Variants in RAD54B observed in about 807,000 individuals in gnomAD.
RAD54B encodes DNA repair and recombination protein RAD54B.
RAD54B carries 78 observed loss-of-function variants against 95.8 expected under a neutral mutation model. The observed-to-expected ratio is 0.81, with a 90% CI of 0.68 to 0.98. The LOEUF (loss-of-function observed/expected upper bound fraction) is 0.98. Ranked by LOEUF, RAD54B falls within the 50% of genes least tolerant of loss-of-function variation. The pLI, the probability that RAD54B is intolerant of heterozygous loss-of-function variation, is 0.00. For missense variants in RAD54B, 957 were observed against 1,056.6 expected, an observed-to-expected ratio of 0.91 and a Z score of 1.31; for synonymous variants, 328 against 354.9, an observed-to-expected ratio of 0.92 and a Z score of 0.85.
At chr8:94,378,056 G>GA in intron 14 of RAD54B, 124 bp downstream of exon 14, 2 of 629,204 alleles carry the variant, frequency 3.2e-6, no homozygotes, top group Non-Finnish European at 5.0e-6. Context: ...TATGAGCTGA[G>GA]AAAAAAATAA....
At chr8:94,464,816 T>C (rs987504827) in intron 2 of RAD54B, among the ~76,000 whole-genome samples, 8 of 152,138 alleles carry the variant, frequency 5.3e-5, no homozygotes, top group Admixed American at 2.6e-4. Context: ...TGCCAGCTTC[T>C]GTTTCTGATG....
intron 3 of RAD54B, among the ~76,000 whole-genome samples, chr8:94,438,850 C>T (rs781246996): frequency 2.0e-5 from 3 of 152,136 alleles, no homozygotes; most frequent in Non-Finnish European, 2.9e-5. Context: ...TGTAATCCAA[C>T]AGTTTTGAGA....
intron 3 of RAD54B, chr8:94,429,129 T>C: frequency 1.0e-6 from 1 of 984,230 alleles, no homozygotes; most frequent in Non-Finnish European, 1.2e-6. Flanking sequence ...TCAAAGAGTG[T>C]GATTCTGGTG....
intron 1 of RAD54B, among the ~76,000 whole-genome samples, chr8:94,471,286 TA>T (rs950586021): frequency 1.3e-5 from 2 of 151,830 alleles, no homozygotes; most frequent in African/African-American, 4.8e-5. Flanking sequence ...GGCAGTACTT[TA>T]AAAAAATGTT....
chr8:94,396,013 TG>T (rs1217905728), intron 8 of RAD54B, among the ~76,000 whole-genome samples: 1 of 150,612 alleles, frequency 6.6e-6, no homozygotes, highest in African/African-American at 2.4e-5. Flanking sequence ...AGAACAAAAC[TG>T]GACAAAAGAA....
At chr8:94,420,041 C>T (rs1427053378) in intron 3 of RAD54B, among the ~76,000 whole-genome samples, 2 of 152,062 alleles carry the variant, frequency 1.3e-5, no homozygotes, top group African/African-American at 2.4e-5. Flanking sequence ...TACAGGTTTA[C>T]AGTCTAGGAA....
chr8:94,473,546 A>T (rs545078676), intron 1 of RAD54B, among the ~76,000 whole-genome samples: 47 of 152,334 alleles, frequency 3.1e-4, no homozygotes, highest in Non-Finnish European at 5.6e-4. Context: ...AACTTGACAC[A>T]TAGTAAGCAC....
At chr8:94,426,942 C>T (rs1409084721) in intron 3 of RAD54B, among the ~76,000 whole-genome samples, 4 of 152,050 alleles carry the variant, frequency 2.6e-5, no homozygotes, top group South Asian at 2.1e-4. Flanking sequence ...CAACTTGTTT[C>T]GAAGTAACAT....
intron 3 of RAD54B, among the ~76,000 whole-genome samples, chr8:94,423,700 T>G (rs114678186): frequency 0.014 from 2,174 of 152,314 alleles, 45 homozygotes; most frequent in African/African-American, 0.049. Context: ...AGATAAAGTT[T>G]TGAGGTTTTT....
intron 2 of RAD54B, among the ~76,000 whole-genome samples, chr8:94,465,701 G>A (rs959930111): frequency 2.0e-5 from 3 of 152,220 alleles, no homozygotes; most frequent in African/African-American, 7.2e-5. Context: ...ACAGAAACTT[G>A]GATGCCAATG....
chr8:94,406,995 T>G (rs1811405359), intron 5 of RAD54B, among the ~76,000 whole-genome samples: 1 of 152,160 alleles, frequency 6.6e-6, no homozygotes. Flanking sequence ...CTAGTAAAAT[T>G]TGGACTTTGC....
chr8:94,414,495 T>G (rs112394182), intron 3 of RAD54B, among the ~76,000 whole-genome samples: 1 of 151,888 alleles, frequency 6.6e-6, no homozygotes, highest in African/African-American at 2.4e-5. Flanking sequence ...TTTTGAGATA[T>G]GTCCTATCAA....
chr8:94,394,798 T>C (rs1235603547), intron 8 of RAD54B, among the ~76,000 whole-genome samples: 2 of 152,184 alleles, frequency 1.3e-5, no homozygotes, highest in East Asian at 3.8e-4. Flanking sequence ...ATATAAATAA[T>C]GTGAAAAGTA....
At chr8:94,439,304 G>A (rs955467724) in intron 3 of RAD54B, among the ~76,000 whole-genome samples, 2 of 152,102 alleles carry the variant, frequency 1.3e-5, no homozygotes, top group African/African-American at 2.4e-5. Context: ...CGGGAGCAAC[G>A]AAGCATTCTT....
intron 3 of RAD54B, among the ~76,000 whole-genome samples, chr8:94,455,519 A>G (rs986400239): frequency 6.6e-6 from 1 of 152,238 alleles, no homozygotes. Context: ...AGAATCAGAA[A>G]GAATAAAAAA....
At chr8:94,446,578 C>T (rs1025162067) in intron 3 of RAD54B, among the ~76,000 whole-genome samples, 2 of 152,160 alleles carry the variant, frequency 1.3e-5, no homozygotes, top group Admixed American at 6.5e-5. Flanking sequence ...GAAACCATAC[C>T]TCAGAGTAGT....
intron 3 of RAD54B, among the ~76,000 whole-genome samples, chr8:94,447,300 A>G (rs747334033): frequency 1.3e-5 from 2 of 152,200 alleles, no homozygotes; most frequent in Non-Finnish European, 2.9e-5. Flanking sequence ...CTGTTTGGCC[A>G]AGTCTTGTCC....
intron 11 of RAD54B, among the ~76,000 whole-genome samples, chr8:94,385,011 G>A (rs1384139369): frequency 1.3e-5 from 2 of 152,134 alleles, no homozygotes; most frequent in African/African-American, 4.8e-5. Flanking sequence ...GCTGAAGTGG[G>A]AGGATCACTT....
At chr8:94,376,711 T>C (rs1215355902) in intron 14 of RAD54B, among the ~76,000 whole-genome samples, 6 of 148,824 alleles carry the variant, frequency 4.0e-5, no homozygotes, top group African/African-American at 1.5e-4. Context: ...ATATTGTGCA[T>C]GATTATATTT....
Sources: allele counts gnomAD v4.1 joint callset (sites outside exome capture counted in the v4.1 genomes callset), GRCh38; gene constraint gnomAD v4.1.1; transcripts MANE v1.5; gene names NCBI Gene and HGNC (gene_info 2026-07-23, HGNC 2026-07-21).